DYNC2I1: variants seen among roughly 807,000 people sequenced by gnomAD.
The protein encoded by DYNC2I1 is dynein 2 intermediate chain 1, also known as cytoplasmic dynein 2 intermediate chain 1.
DYNC2I1 carries 89 observed loss-of-function variants against 133.4 expected under a neutral mutation model. That is an observed-to-expected ratio of 0.67 (90% CI 0.56 to 0.80). DYNC2I1 has a LOEUF of 0.80. DYNC2I1 is among the 30% of genes least tolerant of loss of function. The pLI, the probability that DYNC2I1 is intolerant of heterozygous loss-of-function variation, is 0.00. For synonymous variants in DYNC2I1, 504 were observed against 484.3 expected (o/e 1.04, Z -0.54); for missense variants, 1,291 against 1,314.5 (o/e 0.98, Z 0.28).
chr7:158,945,681 C>T lies in DYNC2I1; in HGVS notation c.3103C>T (p.Leu1035=). The T allele has an allele frequency of 6.2e-7, 1 of 1,612,820 alleles. No individual in the cohort carries two copies. The highest frequency in any genetic ancestry group is 8.5e-7 in the Non-Finnish European group (1 of 1,179,494). The stretch of plus-strand genomic sequence containing the variant: ...GTCTGGCTCCATCGACATCCAGCAC[C>T]TGAAGAGGCGGTGGGCGGCCCCGGA... ...RASGSIDIQH[L]KRRWAAPEVD... is the part of the protein sequence containing the mutation. The change falls in exon 25 of 25, where the codon CTG becomes TTG. Residue 1035 remains leucine (L), a synonymous_variant. Transcript: ENST00000407559. The surrounding 1 kb of genome is among the most constrained non-coding windows in gnomAD (Gnocchi z 4.1).
intron 19 of DYNC2I1, 71 bp from the exon 20 acceptor site, chr7:158,926,921 G>A (rs1255611040): frequency 1.7e-6 from 2 of 1,147,468 alleles, no homozygotes; most frequent in East Asian, 5.1e-5. Context: ...CTTAATTAGA[G>A]CTATGCTTTG....
intron 4 of DYNC2I1, among the ~76,000 whole-genome samples, chr7:158,952,660 G>A (rs926459513): frequency 2.6e-5 from 4 of 151,568 alleles, no homozygotes; most frequent in African/African-American, 4.9e-5. Context: ...GACAGAATCC[G>A]CACCTTCATA....
rs559420567 is a variant in DYNC2I1, at chr7:158,863,285, C to T, written c.15+6535C>T. Among the ~76,000 whole-genome samples, 509 of 151,992 alleles carry T rather than the reference C, an allele frequency of 3.3e-3. 1 individual carries two copies. The highest frequency in any genetic ancestry group is 0.011 in the African/African-American group (475 of 41,452). ...GCTAGACGCAGAGCGCTGATTGGTC[C>T]GTTTTTACAGAGTGCTGATTGGTGC... On this transcript the variant is annotated intron_variant, in intron 1 of 24. Coordinates refer to ENST00000407559, the MANE Select transcript of DYNC2I1 (RefSeq NM_018051.5).
In DYNC2I1 at chr7:158,922,493, G is replaced by T. The variant is rs750577126; in HGVS notation, c.2038G>T (p.Val680Leu). 1.2e-6 allele frequency: 2 copies of T among 1,613,988 alleles called. No individual in the cohort carries two copies. Among genetic ancestry groups the T allele is most frequent in the Non-Finnish European group, 1.7e-6 (2 of 1,179,902 alleles). Residue 680 changes from valine to leucine, a missense_variant, in exon 16 of 25, where the codon GTG becomes TTG. Coordinates refer to ENST00000407559, the MANE Select transcript of DYNC2I1 (RefSeq NM_018051.5). ...GCTGGACAGCAAATACGTCCTCTGT[G>T]TGTGGGATATTTGGCAGCCTTCAGG... ...PLLDSKYVLCVWDIWQPSGPQ... is the reference protein window; with the variant it reads ...PLLDSKYVLCLWDIWQPSGPQ...
intron 1 of DYNC2I1, among the ~76,000 whole-genome samples, chr7:158,864,992 G>A (rs1842274526): frequency 2.0e-5 from 3 of 152,210 alleles, no homozygotes; most frequent in Admixed American, 1.3e-4. Context: ...CCCAGCTGTC[G>A]GAGGTTATGT....
the DYNC2I1 span, among the ~76,000 whole-genome samples, chr7:158,840,143 G>A: frequency 1.3e-5 from 2 of 151,992 alleles, no homozygotes; most frequent in African/African-American, 4.8e-5. Context: ...AAAGTTGCTT[G>A]CTACTGTGAA....
intron 1 of DYNC2I1, among the ~76,000 whole-genome samples, chr7:158,860,275 T>G (rs1057425602): frequency 1.3e-5 from 2 of 152,132 alleles, no homozygotes; most frequent in Admixed American, 6.5e-5. Context: ...GCCAGGCTGG[T>G]CTGGAACTCC....
chr7:158,902,206 A>T (rs1289053652), intron 9 of DYNC2I1, among the ~76,000 whole-genome samples, 170 bp from the exon 10 acceptor site: 1 of 152,228 alleles, frequency 6.6e-6, no homozygotes, highest in African/African-American at 2.4e-5. Flanking sequence ...AGCAGTTTAT[A>T]TAAATTTACC....
chr7:158,895,923 G>T (rs758275422), intron 8 of DYNC2I1, among the ~76,000 whole-genome samples: 10 of 152,056 alleles, frequency 6.6e-5, no homozygotes, highest in African/African-American at 9.7e-5. Flanking sequence ...GATTATACTC[G>T]TTCCTTGCTG....
intron 8 of DYNC2I1, among the ~76,000 whole-genome samples, chr7:158,891,673 C>A (rs1845234474): frequency 6.6e-6 from 1 of 152,246 alleles, no homozygotes; most frequent in South Asian, 2.1e-4. Context: ...GAACAGACAG[C>A]CTTCCCATTG....
chr7:158,908,127 C>T (rs1372640899), intron 11 of DYNC2I1, among the ~76,000 whole-genome samples: 2 of 151,488 alleles, frequency 1.3e-5, no homozygotes, highest in Admixed American at 6.6e-5. Context: ...ACTTTATACG[C>T]GTGTGGGGTG....
chr7:158,945,881 CTA>C lies in DYNC2I1; in HGVS notation c.*104_*105del, dbSNP rs1490113303. The C allele has an allele frequency of 3.5e-6, 4 of 1,132,420 alleles. No homozygotes were observed. The highest frequency in any genetic ancestry group is 3.2e-5 in the African/African-American group (2 of 63,210). The allele number at this position is 1,132,420 out of a possible 1,614,324, so 70.1% of individuals were successfully genotyped here. ...GTGCAAGTATATTTATGTATATAGACTATGTATATTCTGTATATAATTTATTT... is the reference window on the plus strand; with the variant it reads ...GTGCAAGTATATTTATGTATATAGACTGTATATTCTGTATATAATTTATTT... On this transcript the variant is annotated 3_prime_UTR_variant, in exon 25 of 25. Coordinates refer to ENST00000407559, the MANE Select transcript of DYNC2I1 (RefSeq NM_018051.5). This position sits in a 1 kb window ranked among gnomAD's most constrained non-coding sequence, Gnocchi z 4.1.
chr7:158,923,489 C>T, intron 16 of DYNC2I1, 82 bp from the exon 17 acceptor site: 2 of 1,595,380 alleles, frequency 1.3e-6, no homozygotes, highest in Non-Finnish European at 1.7e-6. Flanking sequence ...CATGGTCAGA[C>T]ACCCCACTCA....
chr7:158,856,889 T>A, intron 1 of DYNC2I1, 139 bp downstream of exon 1: 3 of 1,007,936 alleles, frequency 3.0e-6, no homozygotes, highest in East Asian at 3.4e-5. Context: ...GGAGCCGCGG[T>A]GCCTCCGAGG....
Position 158,918,757 on chromosome 7 carries a change from G to C in DYNC2I1, c.1809G>C (p.Leu603=), listed in dbSNP as rs763707976. The part of the protein sequence containing the change: ...RAACQVMAVL[L]EEDRLAAEPS... ...TCTGACAGGTGATGGCCGTTTTGCT[G>C]GAAGAGGATCGCTTGGCAGCTGAAC... is the stretch of plus-strand genomic sequence containing the variant. The change falls in exon 15 of 25, where the codon CTG becomes CTC. Residue 603 remains leucine, a synonymous_variant. Transcript: ENST00000407559. The C allele has an allele frequency of 6.2e-7, 1 of 1,613,656 alleles. No homozygotes were observed. The highest frequency in any genetic ancestry group is 1.3e-5 in the African/African-American group (1 of 74,898).
intron 8 of DYNC2I1, among the ~76,000 whole-genome samples, chr7:158,893,273 C>T (rs1160229673): frequency 6.6e-6 from 1 of 152,104 alleles, no homozygotes; most frequent in Non-Finnish European, 1.5e-5. Flanking sequence ...AATCACTGAT[C>T]TTGTCTGTGT....
chr7:158,843,192 T>C, the DYNC2I1 span, among the ~76,000 whole-genome samples: 1 of 152,296 alleles, frequency 6.6e-6, no homozygotes, highest in Middle Eastern at 3.4e-3. Flanking sequence ...CCTCCCGGGT[T>C]CAAGTGATTC....
Position 158,876,702 on chromosome 7 carries a change from C to A in DYNC2I1, c.573+11C>A. ...TACCGAGAAAGAAAGGTATACGAAG[C>A]AAGGCCTGGGGAAAAGTTTTCCAAA... On this transcript the variant is annotated intron_variant, in intron 4 of 24. Transcript: ENST00000407559. The A allele has an allele frequency of 4.5e-6, 7 of 1,547,008 alleles. No homozygotes were observed. Among genetic ancestry groups the A allele is most frequent in the Non-Finnish European group, 6.1e-6 (7 of 1,155,046 alleles).
intron 8 of DYNC2I1, among the ~76,000 whole-genome samples, chr7:158,897,014 C>G (rs927127910): frequency 5.0e-4 from 72 of 144,682 alleles, no homozygotes; most frequent in Non-Finnish European, 8.5e-4. Flanking sequence ...GACAGAGTCT[C>G]TCTCTGTCTC....
Sources: gnomAD v4.1 joint callset for allele counts (sites outside exome capture counted in the v4.1 genomes callset) on GRCh38, gnomAD v4.1.1 for gene constraint, Gnocchi (gnomAD v3.1) non-coding constraint, MANE v1.5 for transcripts, NCBI Gene and HGNC (gene_info 2026-07-23, HGNC 2026-07-21) for gene names.